Variants in PRRX1 observed in about 807,000 individuals in gnomAD.
The protein encoded by PRRX1 is paired related homeobox 1.
In PRRX1, 8 loss-of-function variants were observed where a neutral mutation model predicts 24.0. The observed-to-expected ratio is 0.33, with a 90% CI of 0.20 to 0.60. The LOEUF is 0.60. Among genes scored for constraint, PRRX1 ranks in the 20% least tolerant of loss-of-function variants. The pLI, the probability that PRRX1 is intolerant of heterozygous loss-of-function variation, is 0.82. For synonymous variants in PRRX1, 160 were observed against 131.7 expected (o/e 1.22, Z -1.47); for missense variants, 281 against 322.4 (o/e 0.87, Z 0.98).
intron 1 of PRRX1, among the ~76,000 whole-genome samples, chr1:170,703,250 G>T (rs12080432): frequency 1.3e-5 from 2 of 152,146 alleles, no homozygotes; most frequent in Non-Finnish European, 2.9e-5. Context: ...TTGGTTCTAC[G>T]AATGTCAAGT....
At chr1:170,713,039 T>A (rs138234055) in intron 1 of PRRX1, among the ~76,000 whole-genome samples, 1 of 152,222 alleles carries the variant, frequency 6.6e-6, no homozygotes, top group Admixed American at 6.5e-5. Context: ...TGTTCAATAA[T>A]GCATCTCTTA....
intron 3 of PRRX1, among the ~76,000 whole-genome samples, chr1:170,733,217 A>G (rs1655494908): frequency 6.6e-6 from 1 of 152,194 alleles, no homozygotes; most frequent in African/African-American, 2.4e-5. Context: ...AAATCACTAC[A>G]GCAAAAACGG....
chr1:170,706,528 T>A (rs533166475), intron 1 of PRRX1, among the ~76,000 whole-genome samples: 1 of 152,194 alleles, frequency 6.6e-6, no homozygotes, highest in Non-Finnish European at 1.5e-5. Context: ...AGAGAACTCA[T>A]GTCGTCTGGC....
intron 1 of PRRX1, among the ~76,000 whole-genome samples, chr1:170,705,108 G>A (rs1035702409): frequency 4.0e-5 from 6 of 151,866 alleles, no homozygotes; most frequent in African/African-American, 1.5e-4. Flanking sequence ...CACCTTAAAT[G>A]TACCCCATTC....
intron 1 of PRRX1, among the ~76,000 whole-genome samples, chr1:170,709,882 T>A (rs1166689092): frequency 6.6e-6 from 1 of 152,208 alleles, no homozygotes; most frequent in African/African-American, 2.4e-5. Flanking sequence ...GACTCATGGT[T>A]AAGAGGTCAA....
At chr1:170,695,876 G>A (rs1571328805) in intron 1 of PRRX1, among the ~76,000 whole-genome samples, 1 of 152,096 alleles carries the variant, frequency 6.6e-6, no homozygotes. Context: ...GACCTTTGAT[G>A]GAACCTTTAT....
chr1:170,688,362 A>C (rs1433332732), intron 1 of PRRX1, among the ~76,000 whole-genome samples: 1 of 152,098 alleles, frequency 6.6e-6, no homozygotes, highest in African/African-American at 2.4e-5. Flanking sequence ...ATTTTTCTTA[A>C]AAATTGCTTT....
At chr1:170,726,983 T>A (rs1004300825) in intron 3 of PRRX1, 2 of 152,504 alleles carry the variant, frequency 1.3e-5, no homozygotes, top group African/African-American at 4.8e-5. Flanking sequence ...TGGCCAAGGT[T>A]CTTTGTTAGT....
At chr1:170,663,391 A>G (rs1652793116), upstream of PRRX1, 1 of 151,164 alleles carries the variant, frequency 6.6e-6, no homozygotes. Flanking sequence ...GATCCAACTG[A>G]GAAGGAAAAA....
intron 1 of PRRX1, among the ~76,000 whole-genome samples, chr1:170,707,250 TA>T (rs1384762960): frequency 6.6e-6 from 1 of 152,180 alleles, no homozygotes; most frequent in Non-Finnish European, 1.5e-5. Context: ...GGAATAAGTT[TA>T]ATGATATCAT....
chr1:170,708,191 A>T (rs934802155), intron 1 of PRRX1, among the ~76,000 whole-genome samples: 1 of 152,204 alleles, frequency 6.6e-6, no homozygotes, highest in African/African-American at 2.4e-5. Context: ...CAGATTACTC[A>T]TAGATTTCCA....
intron 1 of PRRX1, among the ~76,000 whole-genome samples, chr1:170,696,267 C>A (rs541407709): frequency 2.2e-4 from 34 of 152,148 alleles, no homozygotes; most frequent in African/African-American, 8.0e-4. Context: ...GTGATAAATA[C>A]GTCATTAACC....
intron 2 of PRRX1, among the ~76,000 whole-genome samples, chr1:170,725,537 C>G (rs1301307224): frequency 3.3e-5 from 5 of 152,166 alleles, no homozygotes; most frequent in African/African-American, 1.2e-4. Context: ...TACACACACC[C>G]AGCTCTATCA....
At chr1:170,688,212 A>C (rs1653811332) in intron 1 of PRRX1, among the ~76,000 whole-genome samples, 1 of 152,130 alleles carries the variant, frequency 6.6e-6, no homozygotes, top group Admixed American at 6.6e-5. Context: ...CCCAGAAAGC[A>C]GTATAAAATA....
intron 1 of PRRX1, among the ~76,000 whole-genome samples, chr1:170,696,115 T>A (rs1158904794): frequency 6.6e-6 from 1 of 152,144 alleles, no homozygotes; most frequent in East Asian, 1.9e-4. Flanking sequence ...TGGTCACTCA[T>A]TCAAGGTGCA....
chr1:170,688,387 A>T (rs1351346658), intron 1 of PRRX1, among the ~76,000 whole-genome samples: 5 of 151,966 alleles, frequency 3.3e-5, no homozygotes, highest in Admixed American at 2.6e-4. Flanking sequence ...TAACCAATCC[A>T]TTTGAAAAAG....
At chr1:170,669,867 C>A (rs1324839603) in intron 1 of PRRX1, among the ~76,000 whole-genome samples, 4 of 152,126 alleles carry the variant, frequency 2.6e-5, no homozygotes, top group African/African-American at 9.7e-5. Context: ...ATACGAGGAA[C>A]AACTTTTTGA....
intron 1 of PRRX1, among the ~76,000 whole-genome samples, chr1:170,714,986 TG>T (rs1413847053): frequency 6.6e-6 from 1 of 152,200 alleles, no homozygotes; most frequent in African/African-American, 2.4e-5. Context: ...CTCTTTCTTG[TG>T]TATTTTCTTG....
chr1:170,666,239 T>G (rs1170344383), intron 1 of PRRX1, among the ~76,000 whole-genome samples: 1 of 151,648 alleles, frequency 6.6e-6, no homozygotes, highest in Non-Finnish European at 1.5e-5. Flanking sequence ...ACCAACGTGG[T>G]GAAACCCCTC....
Sources: gnomAD v4.1 joint callset for allele counts (sites outside exome capture counted in the v4.1 genomes callset) on GRCh38, gnomAD v4.1.1 for gene constraint, MANE v1.5 for transcripts, NCBI Gene and HGNC (gene_info 2026-07-23, HGNC 2026-07-21) for gene names.